Variants in MEGF11 observed in about 807,000 individuals in gnomAD.
The protein encoded by MEGF11 is multiple EGF like domains 11, also known as multiple epidermal growth factor-like domains protein 11.
A neutral mutation model predicts 146.6 loss-of-function variants in MEGF11; 126 were observed. That is an observed-to-expected ratio of 0.86 (90% CI 0.74 to 1.00). MEGF11 has a LOEUF of 1.00. Among genes scored for constraint, MEGF11 ranks in the 50% least tolerant of loss-of-function variants. The probability of loss-of-function intolerance (pLI) is 0.00; values close to 1 mark genes in which losing one functional copy is unlikely to be tolerated. For synonymous variants in MEGF11, 532 were observed against 583.4 expected, an observed-to-expected ratio of 0.91 and a Z score of 1.27; for missense variants, 1,509 against 1,521.2, an observed-to-expected ratio of 0.99 and a Z score of 0.13.
intron 5 of MEGF11, among the ~76,000 whole-genome samples, chr15:66,017,830 T>G (rs895057933): frequency 6.6e-6 from 1 of 152,108 alleles, no homozygotes; most frequent in African/African-American, 2.4e-5. Context: ...GAGAACCTGA[T>G]TTGTCAGGCA....
At chr15:66,253,080 T>G (rs2092398297) in intron 1 of MEGF11, among the ~76,000 whole-genome samples, 1 of 152,218 alleles carries the variant, frequency 6.6e-6, no homozygotes, top group Non-Finnish European at 1.5e-5. Context: ...TTGCTGGGGC[T>G]TAGCGGCCGC....
intron 24 of MEGF11, among the ~76,000 whole-genome samples, chr15:65,901,248 A>T (rs1277382162): frequency 6.6e-6 from 1 of 151,820 alleles, no homozygotes; most frequent in Non-Finnish European, 1.5e-5. Flanking sequence ...GAGTAAGGCA[A>T]TAAGGCACAG....
intron 1 of MEGF11, among the ~76,000 whole-genome samples, chr15:66,200,769 C>A (rs980547384): frequency 6.6e-6 from 1 of 152,120 alleles, no homozygotes; most frequent in Non-Finnish European, 1.5e-5. Flanking sequence ...CTGACTCCAG[C>A]GGGGTGCAGA....
chr15:66,117,766 C>A (rs577838180), intron 4 of MEGF11, among the ~76,000 whole-genome samples: 2 of 152,132 alleles, frequency 1.3e-5, no homozygotes, highest in Non-Finnish European at 2.9e-5. Context: ...TTACCCCATC[C>A]CAGGTGAGGT....
chr15:65,930,137 C>T (rs986637381), intron 11 of MEGF11, among the ~76,000 whole-genome samples: 1 of 152,206 alleles, frequency 6.6e-6, no homozygotes, highest in Non-Finnish European at 1.5e-5. Flanking sequence ...GGAACAGGCA[C>T]CAGCTCAGGT....
In MEGF11 at chr15:65,970,543, C is replaced by G. The variant is rs777167468; in HGVS notation, c.899+10G>C. ...TGGACAGCAAAGATAACAGTTAACA[C>G]TATCCTTACCTGTCCCCCATGTATC... is the stretch of plus-strand genomic sequence containing the variant. On this transcript the variant is annotated intron_variant, in intron 8 of 25. Transcript: ENST00000395614. 6.2e-7 allele frequency: 1 copy of G among 1,612,778 alleles called. No homozygotes were observed. The highest frequency in any genetic ancestry group is 1.1e-5 in the South Asian group (1 of 90,928).
At chr15:66,106,115 G>A (rs754258093) in intron 4 of MEGF11, among the ~76,000 whole-genome samples, 12 of 152,272 alleles carry the variant, frequency 7.9e-5, no homozygotes, top group East Asian at 7.7e-4. Flanking sequence ...GCAAAGAAGC[G>A]ATTCTGGCTC....
chr15:66,217,369 G>T (rs1049753849), intron 1 of MEGF11, among the ~76,000 whole-genome samples: 1 of 152,242 alleles, frequency 6.6e-6, no homozygotes, highest in Admixed American at 6.5e-5. Flanking sequence ...TGAGTGTGGA[G>T]ATGGGCCCCT....
At position 65,906,143 on chromosome 15, in the gene MEGF11, T is replaced by G; in HGVS notation, c.2999-2A>C. ...GACGTCTATCCATTCCACAAGCACC[T>G]GTGTAAAAATAACATGTAAGGAAAG... On this transcript the variant is annotated splice_acceptor_variant, in intron 23 of 25. Transcript: ENST00000395614. LOFTEE classifies it high-confidence loss of function. The G allele has an allele frequency of 6.2e-7, 1 of 1,606,822 alleles. No homozygotes were observed. The highest frequency in any genetic ancestry group is 8.5e-7 in the Non-Finnish European group (1 of 1,176,132).
At chr15:66,200,199 GGC>G (rs1291112284) in intron 1 of MEGF11, among the ~76,000 whole-genome samples, 1 of 152,206 alleles carries the variant, frequency 6.6e-6, no homozygotes, top group Non-Finnish European at 1.5e-5. Flanking sequence ...TTATGTGTGT[GGC>G]ACTGAGCTAG....
intron 5 of MEGF11, among the ~76,000 whole-genome samples, chr15:65,990,703 GAAAGGAAGGAAGA>G (rs1567192836): frequency 1.7e-5 from 1 of 58,714 alleles, no homozygotes; most frequent in Non-Finnish European, 3.1e-5. Flanking sequence ...GAGAAAGAAA[GAAAGGAAGGAAGA>G]AAGAAAGAAA....
At chr15:66,074,461 A>C (rs1389401264) in intron 5 of MEGF11, among the ~76,000 whole-genome samples, 3 of 152,356 alleles carry the variant, frequency 2.0e-5, no homozygotes, top group Non-Finnish European at 4.4e-5. Flanking sequence ...ACAATAATGC[A>C]GGCTTGCGCC....
chr15:66,203,591 C>T (rs968391789), intron 1 of MEGF11, among the ~76,000 whole-genome samples: 1 of 152,100 alleles, frequency 6.6e-6, no homozygotes, highest in Admixed American at 6.6e-5. Context: ...ACCAGAGGTC[C>T]CCAGAGAGAA....
chr15:66,214,920 G>GT (rs1386392544), intron 1 of MEGF11, among the ~76,000 whole-genome samples: 3 of 152,114 alleles, frequency 2.0e-5, no homozygotes, highest in Non-Finnish European at 4.4e-5. Context: ...GAGGGGAGGG[G>GT]TGCAGAGAAG....
At chr15:65,994,718 A>G (rs1321813832) in intron 5 of MEGF11, among the ~76,000 whole-genome samples, 1 of 152,106 alleles carries the variant, frequency 6.6e-6, no homozygotes, top group Admixed American at 6.6e-5. Flanking sequence ...TTGATGCTGC[A>G]CCCCAAAGGC....
At chr15:65,955,801 C>T (rs1306364765) in intron 10 of MEGF11, among the ~76,000 whole-genome samples, 5 of 3,568 alleles carry the variant, frequency 1.4e-3, no homozygotes, top group East Asian at 0.015. Context: ...TATACACACA[C>T]ACACACACAC....
chr15:66,236,891 G>T (rs979888004), intron 1 of MEGF11, among the ~76,000 whole-genome samples: 1 of 152,188 alleles, frequency 6.6e-6, no homozygotes, highest in Non-Finnish European at 1.5e-5. Context: ...ACCCCGGGAA[G>T]AACAAGACTG....
chr15:66,234,909 T>C (rs1475533640), intron 1 of MEGF11, among the ~76,000 whole-genome samples: 3 of 152,284 alleles, frequency 2.0e-5, no homozygotes, highest in Non-Finnish European at 2.9e-5. Flanking sequence ...TCCCTGGCCC[T>C]GAACCAGGTC....
Position 66,009,694 on chromosome 15 carries a change from G to A in MEGF11, c.395-27206C>T, listed in dbSNP as rs187513229. Among the ~76,000 whole-genome samples the A allele has an allele frequency of 7.0e-3, 1,055 of 151,608 alleles. 3 individuals are homozygous for A. Among genetic ancestry groups the A allele is most frequent in the Non-Finnish European group, 8.9e-3 (604 of 67,954 alleles). On this transcript the variant is annotated intron_variant, in intron 5 of 25. Coordinates refer to ENST00000395614, the MANE Select transcript of MEGF11 (RefSeq NM_001385028.1). ...TGCAAGCTCCACCTCCCGGGTTCACGCCATTCTCCTGCCTCAGCCTCCCGA... is the reference window on the plus strand; with the variant it reads ...TGCAAGCTCCACCTCCCGGGTTCACACCATTCTCCTGCCTCAGCCTCCCGA...
Sources: gnomAD v4.1 joint callset for allele counts (sites outside exome capture counted in the v4.1 genomes callset) on GRCh38, gnomAD v4.1.1 for gene constraint, MANE v1.5 for transcripts, NCBI Gene and HGNC (gene_info 2026-07-23, HGNC 2026-07-21) for gene names.